ITGB5: variants seen among roughly 807,000 people sequenced by gnomAD.
ITGB5 encodes the protein integrin subunit beta 5.
A neutral mutation model predicts 84.8 loss-of-function variants in ITGB5; 38 were observed. That is an observed-to-expected ratio of 0.45 (90% CI 0.35 to 0.59). ITGB5 has a LOEUF of 0.59. Among genes scored for constraint, ITGB5 ranks in the 20% least tolerant of loss-of-function variants. The pLI, the probability that ITGB5 is intolerant of heterozygous loss-of-function variation, is 0.01. For synonymous variants in ITGB5, 393 were observed against 414.4 expected (o/e 0.95, Z 0.63); for missense variants, 905 against 1,034.5 (o/e 0.87, Z 1.72).
At chr3:124,868,478 G>A (rs556664053) in intron 2 of ITGB5, among the ~76,000 whole-genome samples, 142 of 152,076 alleles carry the variant, frequency 9.3e-4, no homozygotes, top group African/African-American at 3.2e-3. Flanking sequence ...GTAAAGCATG[G>A]TGAGAAAATG....
At position 124,865,474 on chromosome 3, in the gene ITGB5, C is replaced by CTTT. The variant is rs1559977008; in HGVS notation, c.157-6031_157-6029dup. 1.9e-4 allele frequency among the ~76,000 whole-genome samples: 11 copies of CTTT among 57,868 alleles called. 2 individuals are homozygous for CTTT. The highest frequency in any genetic ancestry group is 2.8e-4 in the African/African-American group (4 of 14,234). 38.0% of individuals were successfully genotyped at this position (57,868 alleles called of 152,430 possible). On this transcript the variant is annotated intron_variant, in intron 2 of 14. Coordinates refer to ENST00000296181, the MANE Select transcript of ITGB5 (RefSeq NM_002213.5). Reference sequence around the variant, plus strand: ...TAGAAAGTTGAAGTGTCCTTTGCGGCTTTTTTCTTTTTTTTTTTTTTTTTT... The same window carrying CTTT: ...TAGAAAGTTGAAGTGTCCTTTGCGGCTTTTTTTTTCTTTTTTTTTTTTTTTTTT...
chr3:124,841,861 T>C (rs1269216580), intron 4 of ITGB5, among the ~76,000 whole-genome samples: 1 of 152,150 alleles, frequency 6.6e-6, no homozygotes. Flanking sequence ...GACATAGGCA[T>C]TGAAAGGTAT....
At chr3:124,885,979 G>C (rs759258157) in intron 1 of ITGB5, among the ~76,000 whole-genome samples, 2 of 152,180 alleles carry the variant, frequency 1.3e-5, no homozygotes, top group African/African-American at 2.4e-5. Context: ...AAAGTTAATA[G>C]AGCACTATTA....
At chr3:124,836,670 C>A (rs1283406944) in intron 5 of ITGB5, among the ~76,000 whole-genome samples, 1 of 152,076 alleles carries the variant, frequency 6.6e-6, no homozygotes, top group Non-Finnish European at 1.5e-5. Flanking sequence ...TGGGAACAAC[C>A]CTTATCAGAG....
In ITGB5 at chr3:124,773,030, G is replaced by A. The variant is rs572941975; in HGVS notation, c.1916+660C>T. ...AAGCCATTCTCCTGCCTCAGCCTCCGGAGCAGCTGAGATTACAGGCACGTG... is the reference window on the plus strand; with the variant it reads ...AAGCCATTCTCCTGCCTCAGCCTCCAGAGCAGCTGAGATTACAGGCACGTG... On this transcript the variant is annotated intron_variant, in intron 11 of 14. Transcript: ENST00000296181. Among the ~76,000 whole-genome samples the A allele has an allele frequency of 6.0e-5, 9 of 149,140 alleles. No individual in the cohort carries two copies. The East Asian group carries it at 1.6e-3, about 27-fold the overall frequency.
At chr3:124,799,896 G>T (rs1301425402) in intron 9 of ITGB5, among the ~76,000 whole-genome samples, 1 of 152,206 alleles carries the variant, frequency 6.6e-6, no homozygotes, top group Non-Finnish European at 1.5e-5. Context: ...TCCCCAAAGT[G>T]GTGGCCAGAG....
intron 1 of ITGB5, among the ~76,000 whole-genome samples, chr3:124,895,213 CG>C (rs1160012131): frequency 6.6e-6 from 1 of 152,152 alleles, no homozygotes; most frequent in Non-Finnish European, 1.5e-5. Flanking sequence ...TCAGCCACCT[CG>C]GCACCACTTT....
intron 2 of ITGB5, among the ~76,000 whole-genome samples, chr3:124,860,913 G>A (rs527713419): frequency 1.3e-5 from 2 of 152,164 alleles, no homozygotes; most frequent in African/African-American, 4.8e-5. Context: ...TCAAGATCAA[G>A]AAGTCAGCCT....
intron 10 of ITGB5, among the ~76,000 whole-genome samples, chr3:124,782,857 G>A (rs752765634): frequency 1.7e-4 from 25 of 150,590 alleles, no homozygotes; most frequent in Non-Finnish European, 2.9e-4. Context: ...GTGAAACTCC[G>A]TCTCAAAAAA....
chr3:124,798,059 T>TTTTTTTTTTTTTTTTC (rs1490158628), intron 9 of ITGB5, among the ~76,000 whole-genome samples: 14 of 141,548 alleles, frequency 9.9e-5, no homozygotes, highest in Non-Finnish European at 2.0e-4. Context: ...ATAAAGCTTT[T>TTTTTTTTTTTTTTTTC]TTTTTTTTTT....
At chr3:124,876,195 T>C (rs1161525721) in intron 1 of ITGB5, among the ~76,000 whole-genome samples, 1 of 152,060 alleles carries the variant, frequency 6.6e-6, no homozygotes, top group Non-Finnish European at 1.5e-5. Context: ...GATAAATATG[T>C]GAATTAGCTG....
At chr3:124,882,878 G>C (rs1029421743) in intron 1 of ITGB5, among the ~76,000 whole-genome samples, 1 of 152,242 alleles carries the variant, frequency 6.6e-6, no homozygotes, top group African/African-American at 2.4e-5. Flanking sequence ...AGTCAAGCCT[G>C]TCTTAGAGCA....
At chr3:124,815,138 T>C (rs1489652863) in intron 8 of ITGB5, among the ~76,000 whole-genome samples, 1 of 152,158 alleles carries the variant, frequency 6.6e-6, no homozygotes, top group Non-Finnish European at 1.5e-5. Flanking sequence ...ATGGAACCAA[T>C]AAGAAAGCCT....
chr3:124,793,533 G>C (rs2064179621), intron 10 of ITGB5, among the ~76,000 whole-genome samples: 1 of 152,218 alleles, frequency 6.6e-6, no homozygotes. Context: ...CCCCCAGAGG[G>C]GTGTGGCACT....
intron 1 of ITGB5, among the ~76,000 whole-genome samples, chr3:124,896,039 C>T (rs1307295315): frequency 6.6e-6 from 1 of 152,098 alleles, no homozygotes; most frequent in Non-Finnish European, 1.5e-5. Context: ...CCTGATATGC[C>T]GACTAAAAAT....
At chr3:124,794,288 C>G (rs2064189554) in intron 10 of ITGB5, among the ~76,000 whole-genome samples, 1 of 152,174 alleles carries the variant, frequency 6.6e-6, no homozygotes, top group Non-Finnish European at 1.5e-5. Flanking sequence ...AGAGTGGGAA[C>G]TGCCAACTTG....
chr3:124,873,164 A>G (rs761722903), intron 2 of ITGB5, among the ~76,000 whole-genome samples: 1 of 152,234 alleles, frequency 6.6e-6, no homozygotes, highest in Non-Finnish European at 1.5e-5. Flanking sequence ...AAAGATCAGA[A>G]AACTATAGAT....
chr3:124,810,158 T>C (rs1203926657), intron 8 of ITGB5, among the ~76,000 whole-genome samples: 1 of 152,174 alleles, frequency 6.6e-6, no homozygotes, highest in Non-Finnish European at 1.5e-5. Context: ...TGGAATACCA[T>C]ACAGTAATGA....
In ITGB5 at chr3:124,764,534, T is replaced by A; in HGVS notation, c.2161A>T (p.Met721Leu). The A allele has an allele frequency of 6.2e-7, 1 of 1,613,612 alleles. No individual in the cohort carries two copies. Among genetic ancestry groups the A allele is most frequent in the Non-Finnish European group, 8.5e-7 (1 of 1,179,674 alleles). Reference sequence around the variant, plus strand: ...CCGACCACAGCCAGGAGGATGGTCATGGCGTTGGGGGTGTTTCCACACTCT... The same window carrying A: ...CCGACCACAGCCAGGAGGATGGTCAAGGCGTTGGGGGTGTTTCCACACTCT... ...EPECGNTPNA[M>L]TILLAVVGSI... Residue 721 changes from methionine (M) to leucine (L), a missense_variant, in exon 14 of 15, where the codon ATG becomes TTG. Physicochemically the swap from Met to Leu is conservative, Grantham distance 15. This residue lies in a region of ITGB5 where 133 missense variants were observed against 122.8 expected (regional missense o/e 1.08). Transcript: ENST00000296181.
Sources: gnomAD v4.1 joint callset for allele counts (sites outside exome capture counted in the v4.1 genomes callset) on GRCh38, gnomAD v4.1.1 for gene constraint, gnomAD v4.1.1 regional missense constraint, MANE v1.5 for transcripts, NCBI Gene and HGNC (gene_info 2026-07-23, HGNC 2026-07-21) for gene names.